Variants in DMC1 observed in about 807,000 individuals in gnomAD.
The protein encoded by DMC1 is DNA meiotic recombinase 1.
DMC1 carries 27 observed loss-of-function variants against 50.1 expected under a neutral mutation model. That is an observed-to-expected ratio of 0.54 (90% CI 0.40 to 0.74). The LOEUF is 0.74. Among genes scored for constraint, DMC1 ranks in the 30% least tolerant of loss-of-function variants. The pLI is 0.00. For missense variants in DMC1, 295 were observed against 420.2 expected (o/e 0.70, Z 2.60); for synonymous variants, 148 against 136.1 (o/e 1.09, Z -0.61).
chr22:38,526,727 A>G (rs1301784608), intron 12 of DMC1, among the ~76,000 whole-genome samples: 1 of 152,140 alleles, frequency 6.6e-6, no homozygotes, highest in Non-Finnish European at 1.5e-5. Context: ...ACATTCTTCT[A>G]AGTCATCAAT....
downstream of DMC1, among the ~76,000 whole-genome samples, chr22:38,514,344 A>C (rs952128178): frequency 1.2e-4 from 18 of 146,912 alleles, no homozygotes; most frequent in African/African-American, 4.3e-4. Context: ...TCCCGGGTTC[A>C]AGCGATTCTT....
chr22:38,520,863 TTTTTTGTTTTTTG>T (rs2090016326), intron 13 of DMC1, among the ~76,000 whole-genome samples: 1 of 146,264 alleles, frequency 6.8e-6, no homozygotes, highest in Non-Finnish European at 1.5e-5. Context: ...TATCCAATTC[TTTTTTGTTTTTTG>T]TTTTTGTTTT....
At chr22:38,521,577 A>G (rs1465023155) in intron 13 of DMC1, 31 bp downstream of exon 13, 1 of 1,329,196 alleles carries the variant, frequency 7.5e-7, no homozygotes, top group South Asian at 1.2e-5. Flanking sequence ...ACACACACAC[A>G]CACACACACA....
intron 5 of DMC1, 126 bp downstream of exon 5, chr22:38,562,161 A>C: frequency 1.5e-6 from 1 of 676,824 alleles, no homozygotes; most frequent in African/African-American, 1.8e-5. Context: ...AAAAAAAACA[A>C]ACAAACCCAA....
chr22:38,510,124 G>A, the DMC1 span, among the ~76,000 whole-genome samples: 4 of 152,054 alleles, frequency 2.6e-5, no homozygotes, highest in Non-Finnish European at 4.4e-5. Context: ...CAGGAGAATC[G>A]CTTGAATTGG....
At chr22:38,516,600 C>T (rs536971094), downstream of DMC1, among the ~76,000 whole-genome samples, 50 of 152,130 alleles carry the variant, frequency 3.3e-4, no homozygotes, top group African/African-American at 1.1e-3. Flanking sequence ...AGTCAGATGT[C>T]GCCACAGGAG....
chr22:38,565,177 G>A (rs1272395277), intron 4 of DMC1, among the ~76,000 whole-genome samples: 1 of 152,146 alleles, frequency 6.6e-6, no homozygotes, highest in African/African-American at 2.4e-5. Context: ...TTGGGTCAAA[G>A]GTATATAGGC....
chr22:38,511,708 C>G, the DMC1 span, among the ~76,000 whole-genome samples: 1 of 151,700 alleles, frequency 6.6e-6, no homozygotes, highest in African/African-American at 2.4e-5. Context: ...CTCAAGCGAT[C>G]CTCACGCCTC....
intron 5 of DMC1, among the ~76,000 whole-genome samples, chr22:38,556,605 G>A (rs1211358467): frequency 6.6e-6 from 1 of 152,138 alleles, no homozygotes; most frequent in African/African-American, 2.4e-5. Context: ...CAATGTTGTA[G>A]TGCATTTAAA....
rs2090138416 is a variant in DMC1, at chr22:38,530,175, C to T, written c.836+7417G>A. 2.6e-5 allele frequency among the ~76,000 whole-genome samples: 4 copies of T among 151,952 alleles called. No individual in the cohort carries two copies. The South Asian group carries it at 8.3e-4, about 32-fold the overall frequency. On this transcript the variant is annotated intron_variant, in intron 12 of 13. Coordinates refer to ENST00000216024, the MANE Select transcript of DMC1 (RefSeq NM_007068.4). ...AAAGATGCAGTTTTGCCATGTTGGC[C>T]AGGCTGGTCTCGAACTCCTGACCTC... is the stretch of plus-strand genomic sequence containing the variant.
chr22:38,529,790 A>C lies in DMC1; in HGVS notation c.836+7802T>G, dbSNP rs185512695. On this transcript the variant is annotated intron_variant, in intron 12 of 13. Transcript: ENST00000216024. ...GTTTCCACCTTTATAAATTAGGAAT[A>C]ATCATCATGCCTACCTTAAATACTG... 2.6e-5 allele frequency among the ~76,000 whole-genome samples: 4 copies of C among 152,260 alleles called. No homozygotes were observed. The East Asian group carries it at 7.7e-4, about 29-fold the overall frequency.
At chr22:38,522,568 A>T (rs575652228) in intron 12 of DMC1, among the ~76,000 whole-genome samples, 10 of 152,106 alleles carry the variant, frequency 6.6e-5, no homozygotes, top group Non-Finnish European at 1.3e-4. Flanking sequence ...CTCAAAAAAC[A>T]AACAAACAAA....
chr22:38,539,520 T>C, intron 8 of DMC1, 108 bp from the exon 9 acceptor site: 2 of 865,144 alleles, frequency 2.3e-6, no homozygotes, highest in Admixed American at 1.9e-5. Context: ...CCAAACAATG[T>C]ACCTGTGAAG....
intron 6 of DMC1, among the ~76,000 whole-genome samples, chr22:38,554,826 G>A (rs953431698): frequency 2.0e-5 from 3 of 152,006 alleles, no homozygotes; most frequent in South Asian, 2.1e-4. Flanking sequence ...TCAGCTGGGC[G>A]CAGTGGCTCA....
intron 11 of DMC1, 50 bp downstream of exon 11, chr22:38,538,245 G>A: frequency 6.8e-7 from 1 of 1,475,434 alleles, no homozygotes; most frequent in Non-Finnish European, 9.5e-7. Context: ...TCTCTGCAAA[G>A]TATACTTGAC....
intron 6 of DMC1, among the ~76,000 whole-genome samples, chr22:38,555,118 CT>C (rs1187959676): frequency 6.6e-6 from 1 of 151,530 alleles, no homozygotes; most frequent in East Asian, 1.9e-4. Flanking sequence ...CTATTATCTT[CT>C]ATAGGAATCA....
chr22:38,515,210 G>C (rs2089968344), downstream of DMC1, among the ~76,000 whole-genome samples: 2 of 150,426 alleles, frequency 1.3e-5, no homozygotes, highest in African/African-American at 4.9e-5. Context: ...AGGTGCAGTG[G>C]CTCACGCCTG....
At chr22:38,513,119 T>C in the DMC1 span, among the ~76,000 whole-genome samples, 1 of 150,514 alleles carries the variant, frequency 6.6e-6, no homozygotes. Flanking sequence ...TTCATTGAAT[T>C]AGCAGAAGAC....
Position 38,552,686 on chromosome 22 carries a change from T to C in DMC1, c.401A>G (p.Gln134Arg). The C allele has an allele frequency of 8.2e-6, 13 of 1,594,990 alleles. No homozygotes were observed. The highest frequency in any genetic ancestry group is 1.1e-5 in the Non-Finnish European group (13 of 1,162,858). The change falls in exon 7 of 14, where the codon CAG becomes CGG. Residue 134 changes from glutamine (Q) to arginine (R), a missense_variant. Physicochemically the swap from Gln to Arg is conservative, Grantham distance 43. Coordinates refer to ENST00000216024, the MANE Select transcript of DMC1 (RefSeq NM_007068.4). ...AFGEFRTGKT[Q>R]LSHTLCVTAQ... The stretch of plus-strand genomic sequence containing the variant: ...CTTACCACAGAGGGTATGAGAAAGC[T>C]GGGTTTTTCCAGTACGAAATTCTGT...
Sources: gnomAD v4.1 joint callset for allele counts (sites outside exome capture counted in the v4.1 genomes callset) on GRCh38, gnomAD v4.1.1 for gene constraint, MANE v1.5 for transcripts, NCBI Gene and HGNC (gene_info 2026-07-23, HGNC 2026-07-21) for gene names.